ENTREP2: variants seen among roughly 807,000 people sequenced by gnomAD.
The protein encoded by ENTREP2 is endosomal transmembrane epsin interactor 2.
At chr15:29,348,390 C>T in the ENTREP2 span, among the ~76,000 whole-genome samples, 3 of 152,024 alleles carry the variant, frequency 2.0e-5, no homozygotes, top group South Asian at 2.1e-4. Flanking sequence ...GTCAACAGAA[C>T]GAGAAGAGGG....
At chr15:29,490,155 T>C in the ENTREP2 span, among the ~76,000 whole-genome samples, 1 of 152,160 alleles carries the variant, frequency 6.6e-6, no homozygotes, top group African/African-American at 2.4e-5. Context: ...GGACCCCCGG[T>C]GAATTTTACA....
the ENTREP2 span, among the ~76,000 whole-genome samples, chr15:29,423,569 C>T: frequency 6.0e-5 from 9 of 151,124 alleles, no homozygotes; most frequent in Admixed American, 3.3e-4. Context: ...GGGCGGATCA[C>T]GCGGTCAGGA....
the ENTREP2 span, among the ~76,000 whole-genome samples, chr15:29,618,951 GAC>G: frequency 6.6e-6 from 1 of 152,228 alleles, no homozygotes; most frequent in African/African-American, 2.4e-5. Flanking sequence ...AGCCTAAGCA[GAC>G]AAGAGCTGGA....
At chr15:29,279,539 A>C in the ENTREP2 span, among the ~76,000 whole-genome samples, 1 of 151,868 alleles carries the variant, frequency 6.6e-6, no homozygotes, top group Non-Finnish European at 1.5e-5. Flanking sequence ...TAATTTTTGT[A>C]TTTTTAGTAG....
chr15:29,536,260 T>C, the ENTREP2 span, among the ~76,000 whole-genome samples: 2 of 152,268 alleles, frequency 1.3e-5, no homozygotes, highest in South Asian at 4.1e-4. Context: ...TTTGTGTACA[T>C]GTGTCCTCTG....
At chr15:29,139,137 G>A in the ENTREP2 span, among the ~76,000 whole-genome samples, 1 of 152,252 alleles carries the variant, frequency 6.6e-6, no homozygotes, top group East Asian at 1.9e-4. Flanking sequence ...GGGTATGGGT[G>A]AGGTGACGAT....
At chr15:29,539,569 G>A in the ENTREP2 span, among the ~76,000 whole-genome samples, 1 of 151,880 alleles carries the variant, frequency 6.6e-6, no homozygotes, top group Admixed American at 6.6e-5. Flanking sequence ...CCTTAAACTG[G>A]GCAAATTACC....
chr15:29,262,132 G>A, the ENTREP2 span, among the ~76,000 whole-genome samples: 5,330 of 147,222 alleles, frequency 0.036, 313 homozygotes, highest in African/African-American at 0.12. Flanking sequence ...AGTACAAAAA[G>A]AAAGAGAATC....
chr15:29,591,839 AG>A, the ENTREP2 span, among the ~76,000 whole-genome samples: 2 of 11,428 alleles, frequency 1.8e-4, no homozygotes, highest in African/African-American at 3.7e-4. Context: ...AAAGAGAAGA[AG>A]AAGAAGAAGA....
chr15:29,305,272 T>G, the ENTREP2 span, among the ~76,000 whole-genome samples: 3 of 152,340 alleles, frequency 2.0e-5, no homozygotes, highest in East Asian at 5.8e-4. Flanking sequence ...ATACTGGAGC[T>G]TGCACGGCAC....
chr15:29,208,940 AT>A, the ENTREP2 span, among the ~76,000 whole-genome samples: 1 of 152,318 alleles, frequency 6.6e-6, no homozygotes, highest in South Asian at 2.1e-4. Context: ...TCAATTACAT[AT>A]GATTCTATTT....
chr15:29,278,727 T>G, the ENTREP2 span, among the ~76,000 whole-genome samples: 16 of 152,300 alleles, frequency 1.1e-4, no homozygotes, highest in Admixed American at 1.0e-3. Flanking sequence ...TGGATATCCT[T>G]GGCCTCTTTT....
chr15:29,293,243 G>A, the ENTREP2 span, among the ~76,000 whole-genome samples: 2 of 152,058 alleles, frequency 1.3e-5, no homozygotes, highest in African/African-American at 2.4e-5. Context: ...AAACAAAAAG[G>A]GGAATTTATT....
the ENTREP2 span, among the ~76,000 whole-genome samples, chr15:29,159,245 T>TA: frequency 2.0e-5 from 3 of 152,044 alleles, no homozygotes; most frequent in East Asian, 1.9e-4. Flanking sequence ...CGGTGAGTGT[T>TA]ACAGCTCTTA....
chr15:29,492,400 A>G, the ENTREP2 span, among the ~76,000 whole-genome samples: 3 of 152,222 alleles, frequency 2.0e-5, no homozygotes, highest in Non-Finnish European at 4.4e-5. Context: ...GGTTCTAATT[A>G]TGATTACGAT....
the ENTREP2 span, among the ~76,000 whole-genome samples, chr15:29,294,390 G>T: frequency 1.3e-5 from 2 of 152,248 alleles, no homozygotes; most frequent in African/African-American, 4.8e-5. Flanking sequence ...AGGGGCAGAA[G>T]GAGGTCCAGG....
chr15:29,516,915 A>C, the ENTREP2 span, among the ~76,000 whole-genome samples: 3 of 151,770 alleles, frequency 2.0e-5, no homozygotes, highest in South Asian at 2.1e-4. Flanking sequence ...GTTTTCCTTC[A>C]AATGGAAAGC....
chr15:29,612,370 G>A, the ENTREP2 span, among the ~76,000 whole-genome samples: 1 of 152,080 alleles, frequency 6.6e-6, no homozygotes, highest in African/African-American at 2.4e-5. Flanking sequence ...ATGACGGCGT[G>A]AGTTTGGTTC....
chr15:29,540,999 C>T, the ENTREP2 span, among the ~76,000 whole-genome samples: 13,635 of 152,086 alleles, frequency 0.09, 1,992 homozygotes, highest in African/African-American at 0.31. Flanking sequence ...AAAATAACAA[C>T]GCCCATTAGA....
Sources: gnomAD v4.1 joint callset for allele counts (sites outside exome capture counted in the v4.1 genomes callset) on GRCh38, gnomAD v4.1.1 for gene constraint, MANE v1.5 for transcripts, NCBI Gene and HGNC (gene_info 2026-07-23, HGNC 2026-07-21) for gene names.